The following C4orf51 variants were observed in gnomAD, a reference collection of about 807,000 sequenced individuals.
C4orf51 encodes the protein chromosome 4 open reading frame 51, also known as uncharacterized protein C4orf51.
Under a neutral mutation model 25.2 loss-of-function variants are expected in C4orf51, and 25 were observed. That is an observed-to-expected ratio of 0.99 (90% CI 0.72 to 1.39). C4orf51 has a LOEUF of 1.39. Among genes scored for constraint, C4orf51 ranks in the 40% most tolerant of loss-of-function variants. C4orf51 has a pLI of 0.00. For missense variants in C4orf51, 252 were observed against 239.6 expected (o/e 1.05, Z -0.34); for synonymous variants, 100 against 84.5 (o/e 1.18, Z -1.01).
At position 145,726,979 on chromosome 4, in the gene C4orf51, A is replaced by G. The variant is rs1560850336; in HGVS notation, c.366+10A>G. On this transcript the variant is annotated intron_variant, in intron 3 of 5. Coordinates refer to ENST00000438731, the MANE Select transcript of C4orf51 (RefSeq NM_001080531.3). ...TGTCAAGCATGGAGTGGTAAGCCCAACATTTCTCAGCAATCTCTTACCTGT... is the reference window on the plus strand; with the variant it reads ...TGTCAAGCATGGAGTGGTAAGCCCAGCATTTCTCAGCAATCTCTTACCTGT... 1 of 1,608,250 alleles carries G rather than the reference A, an allele frequency of 6.2e-7. No homozygotes were observed. The highest frequency in any genetic ancestry group is 8.5e-7 in the Non-Finnish European group (1 of 1,174,774).
intron 1 of C4orf51, among the ~76,000 whole-genome samples, chr4:145,750,414 T>G (rs1371964318): frequency 0.01 from 15 of 1,430 alleles, no homozygotes; most frequent in African/African-American, 0.023. Flanking sequence ...GGGTAAAAGT[T>G]TTTTTTTTTT....
downstream of C4orf51, among the ~76,000 whole-genome samples, chr4:145,734,346 CAG>C (rs1281456835): frequency 7.0e-6 from 1 of 142,008 alleles, no homozygotes; most frequent in East Asian, 2.2e-4. Flanking sequence ...TGAGGACACT[CAG>C]AAAGTGGAGG....
downstream of C4orf51, chr4:145,775,801 G>C: frequency 6.2e-7 from 1 of 1,614,166 alleles, no homozygotes; most frequent in Non-Finnish European, 8.5e-7. Flanking sequence ...GTAATAATAA[G>C]GATGTTTCTT....
chr4:145,764,875 C>A (rs767448251), intron 1 of C4orf51: 1 of 1,472,076 alleles, frequency 6.8e-7, no homozygotes, highest in South Asian at 1.2e-5. Flanking sequence ...CCTCTCATAC[C>A]AAGCTCCCCT....
At chr4:145,768,892 T>TAA (rs1560894476) in intron 1 of C4orf51, among the ~76,000 whole-genome samples, 4 of 7,286 alleles carry the variant, frequency 5.5e-4, no homozygotes, top group Non-Finnish European at 6.5e-4. Flanking sequence ...AAAAAAAAAA[T>TAA]ATATATATAT....
intron 2 of C4orf51, among the ~76,000 whole-genome samples, chr4:145,710,709 G>T (rs1731084676): frequency 6.6e-6 from 1 of 152,036 alleles, no homozygotes; most frequent in African/African-American, 2.4e-5. Context: ...CCCCGGCATT[G>T]GTTGCAGCCA....
chr4:145,738,138 T>C (rs188417229), intron 1 of C4orf51, among the ~76,000 whole-genome samples: 211 of 152,250 alleles, frequency 1.4e-3, no homozygotes, highest in African/African-American at 4.8e-3. Flanking sequence ...CTTTTTAAGC[T>C]CTTTGGATGC....
At chr4:145,680,813 T>C (rs1200084864) in intron 1 of C4orf51, among the ~76,000 whole-genome samples, 1 of 152,162 alleles carries the variant, frequency 6.6e-6, no homozygotes, top group Non-Finnish European at 1.5e-5. Context: ...AGGAAGAAAT[T>C]CATGAAATCC....
chr4:145,760,855 G>A (rs1445029398), intron 1 of C4orf51: 12 of 1,212,412 alleles, frequency 9.9e-6, no homozygotes, highest in African/African-American at 9.5e-5. Context: ...GCTGGGAGGC[G>A]CAGTCTGAGG....
At chr4:145,784,814 T>G in the C4orf51 span, among the ~76,000 whole-genome samples, 54 of 152,332 alleles carry the variant, frequency 3.5e-4, no homozygotes, top group African/African-American at 1.3e-3. Context: ...CTTAAGATTC[T>G]CTTCATTTCT....
intron 2 of C4orf51, among the ~76,000 whole-genome samples, chr4:145,717,562 G>A (rs1296650663): frequency 6.6e-6 from 1 of 152,138 alleles, no homozygotes; most frequent in East Asian, 1.9e-4. Flanking sequence ...TGTCAGTAGA[G>A]GCCAATTATA....
At position 145,761,045 on chromosome 4, in the gene C4orf51, C is replaced by G; in HGVS notation, n.167-9943C>G. 1 of 1,287,360 alleles carries G rather than the reference C, an allele frequency of 7.8e-7. No homozygotes were observed. The highest frequency in any genetic ancestry group is 1.0e-6 in the Non-Finnish European group (1 of 987,110). 79.7% of individuals were successfully genotyped at this position (1,287,360 alleles called of 1,614,324 possible). On this transcript the variant is annotated intron_variant and non_coding_transcript_variant, in intron 1 of 1. Transcript: ENST00000510096. This position sits in a 1 kb window ranked among gnomAD's most constrained non-coding sequence, Gnocchi z 6.8. ...CTGCCGTGGGCTGCCGACAGGGCCA[C>G]GGTCTGCAGAGCCTGGGAGGCAGAC...
At chr4:145,685,968 T>C (rs1468726108) in intron 1 of C4orf51, among the ~76,000 whole-genome samples, 3 of 152,056 alleles carry the variant, frequency 2.0e-5, no homozygotes, top group Admixed American at 6.5e-5. Flanking sequence ...ACATAAAGTA[T>C]GATAAATAAA....
intron 1 of C4orf51, among the ~76,000 whole-genome samples, chr4:145,751,929 C>G (rs4323130): frequency 6.6e-6 from 1 of 152,152 alleles, no homozygotes; most frequent in South Asian, 2.1e-4. Flanking sequence ...ACTACCATCA[C>G]GTGCCCACAA....
At chr4:145,732,303 G>T in intron 5 of C4orf51, 150 bp from the exon 6 acceptor site, 1 of 586,668 alleles carries the variant, frequency 1.7e-6, no homozygotes, top group Non-Finnish European at 3.1e-6. Flanking sequence ...AAACAGGAAG[G>T]TTAAGAGAGA....
intron 2 of C4orf51, among the ~76,000 whole-genome samples, chr4:145,726,201 G>C (rs1413601713): frequency 6.6e-6 from 1 of 152,082 alleles, no homozygotes; most frequent in African/African-American, 2.4e-5. Flanking sequence ...CATAATAATT[G>C]CATCTATTTC....
intron 2 of C4orf51, among the ~76,000 whole-genome samples, chr4:145,703,192 C>A (rs1464879223): frequency 6.6e-6 from 1 of 151,100 alleles, no homozygotes; most frequent in Non-Finnish European, 1.5e-5. Context: ...GACATTCCAC[C>A]ACAAAACAAG....
chr4:145,736,591 G>C (rs1378360988), downstream of C4orf51, among the ~76,000 whole-genome samples: 1 of 152,172 alleles, frequency 6.6e-6, no homozygotes, highest in Non-Finnish European at 1.5e-5. Context: ...CCCTGACCTA[G>C]GCATTTCAGG....
intron 2 of C4orf51, among the ~76,000 whole-genome samples, chr4:145,705,870 G>A (rs1253319419): frequency 1.3e-5 from 2 of 152,176 alleles, no homozygotes; most frequent in African/African-American, 4.8e-5. Flanking sequence ...AAAAAATTCT[G>A]AGACTGCCAT....
Sources: gnomAD v4.1 joint callset for allele counts (sites outside exome capture counted in the v4.1 genomes callset) on GRCh38, gnomAD v4.1.1 for gene constraint, Gnocchi (gnomAD v3.1) non-coding constraint, MANE v1.5 for transcripts, NCBI Gene and HGNC (gene_info 2026-07-23, HGNC 2026-07-21) for gene names.